Variants in KCND2 observed in about 807,000 individuals in gnomAD.
KCND2 encodes A-type voltage-gated potassium channel KCND2.
Under a neutral mutation model 54.4 loss-of-function variants are expected in KCND2, and 16 were observed. The ratio of observed to expected loss-of-function variants is 0.29; its 90% confidence interval spans 0.20 to 0.45. The LOEUF (loss-of-function observed/expected upper bound fraction) is 0.45. Among genes scored for constraint, KCND2 ranks in the 20% least tolerant of loss-of-function variants. KCND2 has a pLI of 1.00. For synonymous variants in KCND2, 317 were observed against 310.7 expected (o/e 1.02, Z -0.21); for missense variants, 486 against 824.2 (o/e 0.59, Z 5.02).
intron 1 of KCND2, among the ~76,000 whole-genome samples, chr7:120,424,339 G>A (rs1472264966): frequency 2.0e-5 from 3 of 152,078 alleles, no homozygotes; most frequent in South Asian, 2.1e-4. Context: ...GAACTAAAAC[G>A]ACATGAGATA....
intron 4 of KCND2, among the ~76,000 whole-genome samples, chr7:120,745,200 T>C (rs1385086058): frequency 6.6e-6 from 1 of 152,176 alleles, no homozygotes; most frequent in Non-Finnish European, 1.5e-5. Context: ...ATTTTACTTA[T>C]GTAACGAATA....
chr7:120,570,278 G>A (rs997881820), intron 1 of KCND2, among the ~76,000 whole-genome samples: 7 of 152,112 alleles, frequency 4.6e-5, no homozygotes, highest in African/African-American at 1.4e-4. Flanking sequence ...ATGGGAGGCG[G>A]GTGAAGGATG....
At chr7:120,594,367 A>G (rs1373231564) in intron 1 of KCND2, among the ~76,000 whole-genome samples, 3 of 150,112 alleles carry the variant, frequency 2.0e-5, no homozygotes, top group Non-Finnish European at 4.4e-5. Context: ...AGCAACAAGC[A>G]TTTATTTCTC....
At chr7:120,575,309 T>G (rs1025023740) in intron 1 of KCND2, among the ~76,000 whole-genome samples, 4 of 152,146 alleles carry the variant, frequency 2.6e-5, no homozygotes, top group Admixed American at 6.5e-5. Context: ...AAACCACTGG[T>G]GTAAGTCCTA....
intron 1 of KCND2, among the ~76,000 whole-genome samples, chr7:120,289,613 C>T (rs928018485): frequency 1.3e-5 from 2 of 151,986 alleles, no homozygotes; most frequent in South Asian, 2.1e-4. Context: ...ACCAAAGATT[C>T]GAGTCTTGAG....
In KCND2 at chr7:120,274,821, A is replaced by G; in HGVS notation, c.189A>G (p.Pro63=). 1 of 1,614,116 alleles carries G rather than the reference A, an allele frequency of 6.2e-7. No individual in the cohort carries two copies. Among genetic ancestry groups the G allele is most frequent in the Non-Finnish European group, 8.5e-7 (1 of 1,180,010 alleles). The part of the protein sequence containing the change: ...QTWQDTLERY[P]DTLLGSSERD... ...GGCAGGACACCCTGGAACGTTACCC[A>G]GACACTCTACTGGGCAGTTCTGAGA... The change falls in exon 1 of 6, where the codon CCA becomes CCG. Residue 63 remains proline (P), a synonymous_variant. Transcript: ENST00000331113.
chr7:120,413,640 C>A (rs954072536), intron 1 of KCND2, among the ~76,000 whole-genome samples: 8 of 151,928 alleles, frequency 5.3e-5, no homozygotes, highest in African/African-American at 1.7e-4. Context: ...CCTTTTCATG[C>A]AAATTGTCCT....
intron 1 of KCND2, among the ~76,000 whole-genome samples, chr7:120,527,791 C>T (rs1417854625): frequency 1.3e-5 from 2 of 151,948 alleles, no homozygotes; most frequent in Non-Finnish European, 2.9e-5. Context: ...CCAAATTCCT[C>T]TTCAATTCTA....
intron 1 of KCND2, among the ~76,000 whole-genome samples, chr7:120,425,355 C>T (rs759275034): frequency 2.6e-5 from 4 of 152,164 alleles, no homozygotes; most frequent in Non-Finnish European, 5.9e-5. Context: ...ACTTATGTAG[C>T]CAAGGCCACA....
intron 1 of KCND2, among the ~76,000 whole-genome samples, chr7:120,518,713 A>C (rs190613626): frequency 6.6e-6 from 1 of 151,548 alleles, no homozygotes; most frequent in East Asian, 1.9e-4. Flanking sequence ...CTGAAACAAT[A>C]GTTTGTTTCA....
chr7:120,521,530 CA>C (rs1329065208), intron 1 of KCND2, among the ~76,000 whole-genome samples: 2 of 151,998 alleles, frequency 1.3e-5, no homozygotes, highest in Non-Finnish European at 2.9e-5. Flanking sequence ...AAGTCACATT[CA>C]GCAAAGGTGT....
At chr7:120,353,132 A>ATTTTT (rs1491194211) in intron 1 of KCND2, among the ~76,000 whole-genome samples, 3 of 75,030 alleles carry the variant, frequency 4.0e-5, no homozygotes, top group Admixed American at 1.6e-4. Flanking sequence ...AAATACTTTT[A>ATTTTT]CTTTTTTTTT....
At chr7:120,584,925 A>G (rs1475485588) in intron 1 of KCND2, among the ~76,000 whole-genome samples, 1 of 152,266 alleles carries the variant, frequency 6.6e-6, no homozygotes, top group Non-Finnish European at 1.5e-5. Flanking sequence ...TAGAAAAAGA[A>G]GAAAAATAGG....
At chr7:120,642,423 G>A (rs1338360887) in intron 1 of KCND2, among the ~76,000 whole-genome samples, 1 of 150,316 alleles carries the variant, frequency 6.7e-6, no homozygotes, top group Non-Finnish European at 1.5e-5. Flanking sequence ...AAAGCAGGGC[G>A]TGCTAGCGCA....
Position 120,524,230 on chromosome 7 carries a change from G to A in KCND2, c.1116-208673G>A, listed in dbSNP as rs138034264. Among the ~76,000 whole-genome samples the A allele has an allele frequency of 8.1e-3, 1,210 of 150,220 alleles. 19 individuals are homozygous for A. The highest frequency in any genetic ancestry group is 0.028 in the African/African-American group (1,144 of 40,876). ...AGACTGGGCGACAGAGCAAGACTCCGTCAAAAAAAAAAGAAAAAAAGCCAA... is the reference window on the plus strand; with the variant it reads ...AGACTGGGCGACAGAGCAAGACTCCATCAAAAAAAAAAGAAAAAAAGCCAA... On this transcript the variant is annotated intron_variant, in intron 1 of 5. Coordinates refer to ENST00000331113, the MANE Select transcript of KCND2 (RefSeq NM_012281.3).
chr7:120,731,274 T>C (rs1792803531), intron 1 of KCND2, among the ~76,000 whole-genome samples: 1 of 152,122 alleles, frequency 6.6e-6, no homozygotes, highest in African/African-American at 2.4e-5. Flanking sequence ...AATCAATAAA[T>C]AAGAAAATGT....
At chr7:120,662,928 A>G (rs1791883824) in intron 1 of KCND2, among the ~76,000 whole-genome samples, 1 of 152,200 alleles carries the variant, frequency 6.6e-6, no homozygotes. Context: ...AAAACGTTTC[A>G]ACAGAAGCCT....
chr7:120,438,445 A>G (rs1197118130), intron 1 of KCND2, among the ~76,000 whole-genome samples: 1 of 152,206 alleles, frequency 6.6e-6, no homozygotes, highest in East Asian at 1.9e-4. Flanking sequence ...TATTTTCCAA[A>G]GATAAAGGCA....
intron 1 of KCND2, among the ~76,000 whole-genome samples, chr7:120,581,861 AC>A (rs1792519898): frequency 6.6e-6 from 1 of 151,972 alleles, no homozygotes; most frequent in Non-Finnish European, 1.5e-5. Context: ...ACAGACATGC[AC>A]CACCAAACCC....
Sources: allele counts gnomAD v4.1 joint callset (sites outside exome capture counted in the v4.1 genomes callset), GRCh38; gene constraint gnomAD v4.1.1; transcripts MANE v1.5; gene names NCBI Gene and HGNC (gene_info 2026-07-23, HGNC 2026-07-21).